Variants in BID observed in about 807,000 individuals in gnomAD.
BID encodes the protein BH3 interacting domain death agonist.
In BID, 19 loss-of-function variants were observed where a neutral mutation model predicts 17.4. That is an observed-to-expected ratio of 1.09 (90% CI 0.76 to 1.60). The LOEUF (loss-of-function observed/expected upper bound fraction) is 1.60. Ranked by LOEUF, BID falls within the 40% of genes most tolerant of loss-of-function variation. The pLI is 0.00. For missense variants in BID, 226 were observed against 256.0 expected (o/e 0.88, Z 0.80); for synonymous variants, 108 against 102.8 (o/e 1.05, Z -0.31).
At position 17,736,978 on chromosome 22, in the gene BID, T is replaced by G. The variant is rs545951482; in HGVS notation, c.576+1039A>C. On this transcript the variant is annotated intron_variant, in intron 5 of 5. Coordinates refer to ENST00000622694, the MANE Select transcript of BID (RefSeq NM_001196.4). Reference sequence around the variant, plus strand: ...GCCACCACACCCAGCTAATTTTTTTTGTATTTTTAGTAGAAACGGGGTTTC... The same window carrying G: ...GCCACCACACCCAGCTAATTTTTTTGGTATTTTTAGTAGAAACGGGGTTTC... Among the ~76,000 whole-genome samples the G allele has an allele frequency of 2.0e-5, 3 of 152,030 alleles. No homozygotes were observed. In the South Asian group the frequency reaches 6.2e-4, roughly 32 times the overall value.
At chr22:17,740,058 T>C (rs757470217) in intron 3 of BID, 1 of 1,607,002 alleles carries the variant, frequency 6.2e-7, no homozygotes, top group East Asian at 2.2e-5. Context: ...GCGCACAGCC[T>C]CCGTGCTGCC....
rs1291851981 is a variant in BID, at chr22:17,774,416, C to A, written c.-94G>T. 7.2e-6 allele frequency: 2 copies of A among 278,656 alleles called. No individual in the cohort carries two copies. The highest frequency in any genetic ancestry group is 7.7e-6 in the Non-Finnish European group (1 of 129,774). The allele number at this position is 278,656 out of a possible 1,614,324, so 17.3% of individuals were successfully genotyped here. On this transcript the variant is annotated 5_prime_UTR_variant, in exon 1 of 6. Transcript: ENST00000622694. The stretch of plus-strand genomic sequence containing the variant: ...CCGCGGGGGCGCGGGCGCGTCCGGG[C>A]CGAGGCAGCGTCTCCCAGGCGCGCG...
rs8190276 is a variant in BID, at chr22:17,772,932, T to G, written c.-59+1449A>C. ...GAGACCACCTGACAGCCACCGTCTA[T>G]CCTGCCCAACCTCCTCAGAAGCACT... On this transcript the variant is annotated intron_variant, in intron 1 of 5. Transcript: ENST00000622694. 8.8e-3 allele frequency among the ~76,000 whole-genome samples: 1,344 copies of G among 152,138 alleles called. 16 individuals are homozygous for G. Among genetic ancestry groups the G allele is most frequent in the African/African-American group, 0.031 (1,269 of 41,490 alleles).
rs1222172972 is a variant in BID, at chr22:17,734,347, T to TGAG, written c.*1230_*1232dup. 6.6e-6 allele frequency: 1 copy of TGAG among 152,240 alleles called. No individual in the cohort carries two copies. The highest frequency in any genetic ancestry group is 2.4e-5 in the African/African-American group (1 of 41,460). 9.4% of individuals were successfully genotyped at this position (152,240 alleles called of 1,614,324 possible). On this transcript the variant is annotated 3_prime_UTR_variant, in exon 6 of 6. Coordinates refer to ENST00000622694, the MANE Select transcript of BID (RefSeq NM_001196.4). Reference sequence around the variant, plus strand: ...GAAAGCATCTGGTAAGAAGAAATCATGAGTCCGTCAGTGCCCTTACTCATA... The same window carrying TGAG: ...GAAAGCATCTGGTAAGAAGAAATCATGAGGAGTCCGTCAGTGCCCTTACTCATA...
intron 2 of BID, among the ~76,000 whole-genome samples, chr22:17,744,494 G>A (rs982082534): frequency 1.8e-4 from 27 of 152,258 alleles, no homozygotes; most frequent in African/African-American, 6.0e-4. Flanking sequence ...ACGGGCTCAG[G>A]AGGGTATTGG....
At position 17,738,143 on chromosome 22, in the gene BID, CA is replaced by C; in HGVS notation, c.449del (p.Val150GlyfsTer26). On this transcript the variant is annotated frameshift_variant, in exon 5 of 6. Coordinates refer to ENST00000622694, the MANE Select transcript of BID (RefSeq NM_001196.4). LOFTEE classifies it high-confidence loss of function. ...CCTTCTTGGCCAGCAGCAGGGCCAGCACCAGCATGGTCTTCTCCTTCTCCAT... is the reference window on the plus strand; with the variant it reads ...CCTTCTTGGCCAGCAGCAGGGCCAGCCCAGCATGGTCTTCTCCTTCTCCAT... ...RDMEKEKTMLVLALLLAKKVA... is the reference protein window; with the variant it reads ...RDMEKEKTMLXLALLLAKKVA... The C allele has an allele frequency of 6.2e-7, 1 of 1,613,982 alleles. No homozygotes were observed. Among genetic ancestry groups the C allele is most frequent in the Non-Finnish European group, 8.5e-7 (1 of 1,180,046 alleles).
intron 1 of BID, among the ~76,000 whole-genome samples, chr22:17,756,428 CTTTCTTCT>C (rs1394472557): frequency 1.9e-4 from 11 of 56,456 alleles, no homozygotes; most frequent in Admixed American, 4.3e-4. Flanking sequence ...TTCTTTCTTT[CTTTCTTCT>C]TTCTTTCTTT....
chr22:17,752,814 C>T (rs971838216), intron 1 of BID, among the ~76,000 whole-genome samples: 28 of 151,898 alleles, frequency 1.8e-4, no homozygotes, highest in Admixed American at 2.0e-4. Context: ...TACAGGTGCC[C>T]GCCACCACGC....
At position 17,748,369 on chromosome 22, in the gene BID, G is replaced by A. The variant is rs1346700792; in HGVS notation, c.12+1736C>T. Among the ~76,000 whole-genome samples the A allele has an allele frequency of 4.0e-5, 6 of 151,404 alleles. No homozygotes were observed. In the East Asian group the frequency reaches 5.8e-4, roughly 15 times the overall value. On this transcript the variant is annotated intron_variant, in intron 2 of 5. Transcript: ENST00000622694. ...CTAAGATACAAAAAATGAGCCGGGCGTGGTGGCGGGCGCCTGTAGTCCCAG... is the reference window on the plus strand; with the variant it reads ...CTAAGATACAAAAAATGAGCCGGGCATGGTGGCGGGCGCCTGTAGTCCCAG...
chr22:17,750,421 G>A (rs1158527344), intron 1 of BID, among the ~76,000 whole-genome samples: 1 of 152,226 alleles, frequency 6.6e-6, no homozygotes, highest in African/African-American at 2.4e-5. Flanking sequence ...CTCCCATGCC[G>A]CCCCAGGAAG....
chr22:17,744,475 A>T (rs531713863), intron 2 of BID, among the ~76,000 whole-genome samples: 5 of 152,214 alleles, frequency 3.3e-5, no homozygotes, highest in Non-Finnish European at 7.3e-5. Context: ...CTTTCCGCTC[A>T]TCTCCTTCAC....
intron 1 of BID, among the ~76,000 whole-genome samples, chr22:17,753,173 A>G (rs945214340): frequency 1.3e-5 from 2 of 151,116 alleles, no homozygotes; most frequent in Non-Finnish European, 2.9e-5. Flanking sequence ...TCACCGTGTT[A>G]GCCAGGATGG....
intron 4 of BID, among the ~76,000 whole-genome samples, chr22:17,738,799 C>A (rs753526440): frequency 1.3e-5 from 2 of 152,106 alleles, no homozygotes; most frequent in African/African-American, 4.8e-5. Context: ...CTGGTAGAGT[C>A]GAAAAAGTGG....
chr22:17,737,943 C>T, intron 5 of BID, 74 bp downstream of exon 5: 1 of 1,539,370 alleles, frequency 6.5e-7, no homozygotes, highest in East Asian at 2.2e-5. Flanking sequence ...AGGGGCCCCG[C>T]TGGGCTTCTC....
intron 2 of BID, among the ~76,000 whole-genome samples, chr22:17,748,482 T>C (rs555833540): frequency 5.3e-5 from 8 of 151,662 alleles, no homozygotes; most frequent in African/African-American, 1.9e-4. Context: ...CACTCCAGCC[T>C]GGGCGACACA....
chr22:17,739,393 T>C lies in BID; in HGVS notation c.319A>G (p.Asn107Asp). 6.2e-7 allele frequency: 1 copy of C among 1,608,390 alleles called. No homozygotes were observed. Among genetic ancestry groups the C allele is most frequent in the Non-Finnish European group, 8.5e-7 (1 of 1,178,366 alleles). Reference sequence around the variant, plus strand: ...TTCCTGAGCTGCAGGGCCAGGCCGTTCACCAGGCCCGGAGGGATGCTACGG... The same window carrying C: ...TTCCTGAGCTGCAGGGCCAGGCCGTCCACCAGGCCCGGAGGGATGCTACGG... ...MDRSIPPGLV[N>D]GLALQLRNTS... The change falls in exon 4 of 6, where the codon AAC becomes GAC. Residue 107 changes from asparagine to aspartate, a missense_variant. Asn to Asp is a conservative substitution (Grantham distance 23). Coordinates refer to ENST00000622694, the MANE Select transcript of BID (RefSeq NM_001196.4).
At chr22:17,737,138 CAG>C (rs980244155) in intron 5 of BID, among the ~76,000 whole-genome samples, 3 of 151,874 alleles carry the variant, frequency 2.0e-5, no homozygotes, top group African/African-American at 7.2e-5. Flanking sequence ...TTTTTAGAGA[CAG>C]GGTCTCGCCA....
intron 1 of BID, among the ~76,000 whole-genome samples, chr22:17,759,500 C>T (rs1201467097): frequency 6.6e-6 from 1 of 151,742 alleles, no homozygotes; most frequent in Non-Finnish European, 1.5e-5. Flanking sequence ...TGCAGTGAGC[C>T]GAGATCATGC....
intron 2 of BID, among the ~76,000 whole-genome samples, chr22:17,744,381 C>T (rs1417104214): frequency 6.6e-6 from 1 of 152,244 alleles, no homozygotes; most frequent in Non-Finnish European, 1.5e-5. Flanking sequence ...CCATCCTGTG[C>T]TGGCACGCTT....
Sources: gnomAD v4.1 joint callset for allele counts (sites outside exome capture counted in the v4.1 genomes callset) on GRCh38, gnomAD v4.1.1 for gene constraint, MANE v1.5 for transcripts, NCBI Gene and HGNC (gene_info 2026-07-23, HGNC 2026-07-21) for gene names.